The following GRIN2A variants were observed in gnomAD, a reference collection of about 807,000 sequenced individuals.
The protein encoded by GRIN2A is glutamate ionotropic receptor NMDA type subunit 2A.
In GRIN2A, 22 loss-of-function variants were observed where a neutral mutation model predicts 113.4. The ratio of observed to expected loss-of-function variants is 0.19; its 90% CI spans 0.14 to 0.28. The LOEUF is 0.28. GRIN2A is among the 10% of genes least tolerant of loss of function. The probability of loss-of-function intolerance (pLI) is 1.00; values close to 1 mark genes in which losing one functional copy is unlikely to be tolerated. For missense variants in GRIN2A, 1,502 were observed against 1,887.0 expected (o/e 0.80, Z 3.78); for synonymous variants, 827 against 738.4 (o/e 1.12, Z -1.94).
intron 2 of GRIN2A, among the ~76,000 whole-genome samples, chr16:10,145,798 C>A (rs941374445): frequency 6.6e-6 from 1 of 152,222 alleles, no homozygotes; most frequent in African/African-American, 2.4e-5. Context: ...ATAGAAAGCA[C>A]ATCTACAGAT....
intron 2 of GRIN2A, among the ~76,000 whole-genome samples, chr16:10,167,704 C>T (rs770737420): frequency 9.2e-5 from 14 of 152,150 alleles, no homozygotes; most frequent in Non-Finnish European, 1.8e-4. Flanking sequence ...GGTTTTTTCG[C>T]TCTGTACATC....
At chr16:10,084,581 G>C (rs1257027794) in intron 2 of GRIN2A, among the ~76,000 whole-genome samples, 1 of 151,932 alleles carries the variant, frequency 6.6e-6, no homozygotes, top group Non-Finnish European at 1.5e-5. Context: ...TCTCATTTTG[G>C]AATTGCATGT....
chr16:9,972,948 G>C (rs2045702139), intron 2 of GRIN2A, among the ~76,000 whole-genome samples: 1 of 152,206 alleles, frequency 6.6e-6, no homozygotes, highest in Admixed American at 6.5e-5. Context: ...TTGGTGGGTA[G>C]AGGGCCAGTG....
chr16:10,159,111 T>G (rs1368507560), intron 2 of GRIN2A, among the ~76,000 whole-genome samples: 1 of 152,114 alleles, frequency 6.6e-6, no homozygotes, highest in Non-Finnish European at 1.5e-5. Context: ...GCTTCTGTGA[T>G]TCCCTGGGCT....
chr16:10,158,526 C>A (rs1329457697), intron 2 of GRIN2A, among the ~76,000 whole-genome samples: 1 of 152,158 alleles, frequency 6.6e-6, no homozygotes, highest in African/African-American at 2.4e-5. Flanking sequence ...CACAAATGCC[C>A]ATCAATGGTT....
intron 2 of GRIN2A, among the ~76,000 whole-genome samples, chr16:9,989,730 G>A (rs1004634323): frequency 6.6e-6 from 1 of 151,978 alleles, no homozygotes; most frequent in African/African-American, 2.4e-5. Context: ...AAGGACATGA[G>A]CAGACACTTC....
intron 5 of GRIN2A, among the ~76,000 whole-genome samples, chr16:9,848,562 G>A (rs990120129): frequency 6.7e-6 from 1 of 149,508 alleles, no homozygotes; most frequent in Admixed American, 6.7e-5. Context: ...TATTTTTAAT[G>A]TATAAAATAT....
At chr16:9,783,733 A>G (rs1345937635) in intron 11 of GRIN2A, among the ~76,000 whole-genome samples, 1 of 152,236 alleles carries the variant, frequency 6.6e-6, no homozygotes, top group Admixed American at 6.5e-5. Flanking sequence ...TTGGATGGCA[A>G]CTGATATGTG....
intron 10 of GRIN2A, among the ~76,000 whole-genome samples, chr16:9,821,661 C>G (rs2042287548): frequency 6.6e-6 from 1 of 152,170 alleles, no homozygotes; most frequent in Non-Finnish European, 1.5e-5. Context: ...GTATGAGAAA[C>G]TCTCTCTCCA....
chr16:9,808,873 C>A (rs539365063), intron 10 of GRIN2A, among the ~76,000 whole-genome samples: 3 of 152,102 alleles, frequency 2.0e-5, no homozygotes. Flanking sequence ...CCCCAACGAT[C>A]CTTAACACAG....
At chr16:9,986,916 T>A (rs570208961) in intron 2 of GRIN2A, among the ~76,000 whole-genome samples, 5 of 152,144 alleles carry the variant, frequency 3.3e-5, no homozygotes, top group Non-Finnish European at 5.9e-5. Context: ...AGTAATTCAA[T>A]AACTTAGCAT....
intron 10 of GRIN2A, among the ~76,000 whole-genome samples, chr16:9,801,772 C>T (rs553479264): frequency 1.3e-5 from 2 of 152,280 alleles, no homozygotes; most frequent in East Asian, 3.9e-4. Context: ...GGTGGTCATG[C>T]TGTCAGAGGG....
intron 2 of GRIN2A, among the ~76,000 whole-genome samples, chr16:9,953,829 G>A (rs1206255653): frequency 2.0e-5 from 3 of 152,152 alleles, no homozygotes; most frequent in East Asian, 3.8e-4. Flanking sequence ...GTTCACCTGG[G>A]ACTTTAAGGC....
chr16:10,008,156 C>T (rs2046438181), intron 2 of GRIN2A, among the ~76,000 whole-genome samples: 1 of 152,076 alleles, frequency 6.6e-6, no homozygotes, highest in Non-Finnish European at 1.5e-5. Context: ...GATCTGTCCT[C>T]TTGAGCCTTG....
chr16:10,020,360 G>A (rs2046697061), intron 2 of GRIN2A, among the ~76,000 whole-genome samples: 2 of 152,134 alleles, frequency 1.3e-5, no homozygotes, highest in Non-Finnish European at 2.9e-5. Context: ...TGGAGAATGG[G>A]AATTCTCATA....
intron 2 of GRIN2A, among the ~76,000 whole-genome samples, chr16:10,135,537 T>C (rs1371207840): frequency 6.6e-6 from 1 of 152,242 alleles, no homozygotes; most frequent in African/African-American, 2.4e-5. Flanking sequence ...TTTTAAGGTA[T>C]TTGTTACAAC....
intron 3 of GRIN2A, among the ~76,000 whole-genome samples, chr16:9,924,102 C>A (rs1323351317): frequency 1.8e-5 from 2 of 113,472 alleles, no homozygotes; most frequent in Non-Finnish European, 3.3e-5. Context: ...CAGAGTGAGA[C>A]TTGGTCTCAA....
chr16:10,099,973 A>G (rs1248578943), intron 2 of GRIN2A, among the ~76,000 whole-genome samples: 3 of 152,222 alleles, frequency 2.0e-5, no homozygotes, highest in African/African-American at 7.2e-5. Context: ...ACAAAAGTAA[A>G]GCAACATCAC....
At chr16:10,011,109 T>C (rs1000900250) in intron 2 of GRIN2A, among the ~76,000 whole-genome samples, 6 of 152,144 alleles carry the variant, frequency 3.9e-5, no homozygotes, top group African/African-American at 1.4e-4. Flanking sequence ...TTATCTACCT[T>C]CCCCACTCTT....
Sources: gnomAD v4.1 joint callset for allele counts (sites outside exome capture counted in the v4.1 genomes callset) on GRCh38, gnomAD v4.1.1 for gene constraint, MANE v1.5 for transcripts, NCBI Gene and HGNC (gene_info 2026-07-23, HGNC 2026-07-21) for gene names.